Variants in RHOBTB2 observed in about 807,000 individuals in gnomAD.
The protein encoded by RHOBTB2 is rho-related BTB domain-containing protein 2.
A neutral mutation model predicts 66.5 loss-of-function variants in RHOBTB2; 39 were observed. The observed-to-expected ratio is 0.59, with a 90% CI of 0.45 to 0.77. The LOEUF (loss-of-function observed/expected upper bound fraction) is 0.77, where lower values mean the gene tolerates loss of function less well. Ranked by LOEUF, RHOBTB2 falls within the 30% of genes least tolerant of loss-of-function variation. The pLI is 0.00. For missense variants in RHOBTB2, 755 were observed against 999.1 expected, an observed-to-expected ratio of 0.76 and a Z score of 3.29; for synonymous variants, 390 against 395.0, an observed-to-expected ratio of 0.99 and a Z score of 0.15.
At chr8:22,959,975 C>T in the RHOBTB2 span, among the ~76,000 whole-genome samples, 1 of 138,184 alleles carries the variant, frequency 7.2e-6, no homozygotes, top group Non-Finnish European at 1.5e-5. Flanking sequence ...ACCAGCCTGA[C>T]CAACATGGTG....
At chr8:22,990,025 C>T (rs572520853) in intron 1 of RHOBTB2, among the ~76,000 whole-genome samples, 8 of 152,288 alleles carry the variant, frequency 5.3e-5, no homozygotes, top group African/African-American at 2.4e-5. Flanking sequence ...ACATGCAGCA[C>T]AATCCCGGGC....
the RHOBTB2 span, among the ~76,000 whole-genome samples, chr8:22,951,172 A>G: frequency 1.3e-5 from 2 of 151,940 alleles, no homozygotes; most frequent in Admixed American, 6.6e-5. Context: ...CTAAGACAAA[A>G]AGGTTTAAAA....
intron 9 of RHOBTB2, among the ~76,000 whole-genome samples, chr8:23,016,638 C>T (rs568638467): frequency 1.3e-5 from 2 of 152,248 alleles, no homozygotes; most frequent in African/African-American, 4.8e-5. Flanking sequence ...TCTCAAACTC[C>T]TGACCTCAGG....
the RHOBTB2 span, among the ~76,000 whole-genome samples, chr8:22,962,588 T>C: frequency 1.3e-5 from 2 of 152,262 alleles, no homozygotes; most frequent in Non-Finnish European, 2.9e-5. Flanking sequence ...GAAGCCATTT[T>C]TATTTTATTT....
upstream of RHOBTB2, chr8:22,994,625 C>T (rs1354008866): frequency 1.9e-6 from 3 of 1,551,338 alleles, no homozygotes; most frequent in Admixed American, 3.9e-5. Context: ...CCCAGAAGAC[C>T]TCTTCAGACA....
chr8:22,999,623 T>G lies in RHOBTB2; in HGVS notation c.-493T>G. ...TTTACCCTCCCGTTTTTTTCTTTTC[T>G]TTTTTTTTTCCCTATCCTTTTTTTG... On this transcript the variant is annotated 5_prime_UTR_variant, in exon 1 of 10. Coordinates refer to ENST00000251822, the MANE Select transcript of RHOBTB2 (RefSeq NM_015178.3). The G allele has an allele frequency of 8.7e-7, 1 of 1,149,718 alleles. No homozygotes were observed. The highest frequency in any genetic ancestry group is 1.1e-6 in the Non-Finnish European group (1 of 908,272). 71.2% of individuals were successfully genotyped at this position (1,149,718 alleles called of 1,614,324 possible).
At chr8:22,998,040 G>T (rs891494372), upstream of RHOBTB2, among the ~76,000 whole-genome samples, 1 of 152,198 alleles carries the variant, frequency 6.6e-6, no homozygotes, top group South Asian at 2.1e-4. Context: ...GTCAGTCATT[G>T]TTAACCTCTT....
At chr8:22,957,987 T>C in the RHOBTB2 span, among the ~76,000 whole-genome samples, 4 of 152,250 alleles carry the variant, frequency 2.6e-5, no homozygotes, top group South Asian at 2.1e-4. Flanking sequence ...GAAGTATTTC[T>C]TCATTATCTT....
intron 7 of RHOBTB2, among the ~76,000 whole-genome samples, chr8:23,012,421 A>G (rs1267716830): frequency 6.6e-6 from 1 of 152,244 alleles, no homozygotes; most frequent in African/African-American, 2.4e-5. Context: ...ACACTAGGGA[A>G]CATCCACAAA....
At chr8:22,995,635 C>G (rs535815005), upstream of RHOBTB2, among the ~76,000 whole-genome samples, 1 of 152,328 alleles carries the variant, frequency 6.6e-6, no homozygotes, top group South Asian at 2.1e-4. Flanking sequence ...AAGGCCTGGA[C>G]AGGGAGGCTG....
intron 6 of RHOBTB2, 27 bp downstream of exon 6, chr8:23,008,138 A>G (rs770532837): frequency 1.3e-6 from 2 of 1,502,832 alleles, no homozygotes; most frequent in Non-Finnish European, 1.8e-6. Context: ...AAAGGGGGGA[A>G]GGAGGGAGTG....
At chr8:22,958,024 C>T in the RHOBTB2 span, among the ~76,000 whole-genome samples, 1 of 152,200 alleles carries the variant, frequency 6.6e-6, no homozygotes, top group Non-Finnish European at 1.5e-5. Flanking sequence ...CAGGAAAGGC[C>T]TAGGCAAAGC....
upstream of RHOBTB2, among the ~76,000 whole-genome samples, chr8:22,986,114 G>A (rs1390565310): frequency 1.3e-5 from 2 of 151,362 alleles, no homozygotes; most frequent in Non-Finnish European, 1.5e-5. Context: ...AGACCCATGG[G>A]AGGGAACACT....
intron 9 of RHOBTB2, among the ~76,000 whole-genome samples, 173 bp downstream of exon 9, chr8:23,015,916 T>TGGA (rs1467789334): frequency 6.6e-6 from 1 of 152,228 alleles, no homozygotes; most frequent in Non-Finnish European, 1.5e-5. Context: ...AGTGCTGGCC[T>TGGA]GGAGGGCAAC....
the RHOBTB2 span, among the ~76,000 whole-genome samples, chr8:22,958,915 A>G: frequency 6.6e-6 from 1 of 151,980 alleles, no homozygotes; most frequent in South Asian, 2.1e-4. Flanking sequence ...ACACAAACAC[A>G]GTGGCCACAC....
the RHOBTB2 span, among the ~76,000 whole-genome samples, chr8:22,954,571 A>G: frequency 6.6e-6 from 1 of 152,358 alleles, no homozygotes; most frequent in East Asian, 1.9e-4. Context: ...AGGACACACT[A>G]TCCAACAAAT....
upstream of RHOBTB2, among the ~76,000 whole-genome samples, chr8:22,998,724 CAAAAAAA>C (rs555614764): frequency 1.2e-5 from 1 of 81,308 alleles, no homozygotes; most frequent in Non-Finnish European, 2.3e-5. Flanking sequence ...GAGGGAGACT[CAAAAAAA>C]AAAAAAAAAA....
chr8:23,001,534 T>C (rs1307696759), intron 1 of RHOBTB2, among the ~76,000 whole-genome samples: 1 of 152,182 alleles, frequency 6.6e-6, no homozygotes, highest in African/African-American at 2.4e-5. Context: ...CCAGTCTGTA[T>C]CTTAAAGACA....
In RHOBTB2 at chr8:23,008,056, G is replaced by C; in HGVS notation, c.1565G>C (p.Cys522Ser). Reference protein sequence around the residue: ...SAHKPLLISSCDWMAAMFGGP... With the variant: ...SAHKPLLISSSDWMAAMFGGP... ...CACAAGCCCCTGTTGATTTCCAGCT[G>C]TGACTGGATGGCTGCCATGTTTGGG... Residue 522 changes from cysteine (C) to serine (S), a missense_variant, in exon 6 of 10, where the codon TGT becomes TCT. Around this residue, in one of 7 missense-constraint regions of RHOBTB2, gnomAD observed 353 missense variants for 458.2 expected, o/e 0.77. Transcript: ENST00000251822. 6.2e-7 allele frequency: 1 copy of C among 1,613,648 alleles called. No homozygotes were observed. Among genetic ancestry groups the C allele is most frequent in the Non-Finnish European group, 8.5e-7 (1 of 1,179,888 alleles).
Sources: gnomAD v4.1 joint callset for allele counts (sites outside exome capture counted in the v4.1 genomes callset) on GRCh38, gnomAD v4.1.1 for gene constraint, gnomAD v4.1.1 regional missense constraint, MANE v1.5 for transcripts, NCBI Gene and HGNC (gene_info 2026-07-23, HGNC 2026-07-21) for gene names.